AATK: variants seen among roughly 807,000 people sequenced by gnomAD.
The protein encoded by AATK is lemur tail kinase 1, also known as serine/threonine-protein kinase LMTK1.
AATK carries 91 observed loss-of-function variants against 114.3 expected under a neutral mutation model. The ratio of observed to expected loss-of-function variants is 0.80; its 90% CI spans 0.67 to 0.95. The LOEUF (loss-of-function observed/expected upper bound fraction) is 0.95. Among genes scored for constraint, AATK ranks in the 40% least tolerant of loss-of-function variants. AATK has a pLI of 0.00. For missense variants in AATK, 2,176 were observed against 1,965.2 expected (o/e 1.11, Z -2.03); for synonymous variants, 1,075 against 916.5 (o/e 1.17, Z -3.12).
At position 81,119,559 on chromosome 17, in the gene AATK, T is replaced by C; in HGVS notation, c.3905A>G (p.Asp1302Gly). ...AEEGGGFAWD[D>G]DFPLMTAKAA... ...CTTGGCCGTCATCAGCGGGAAGTCG[T>C]CGTCCCACGCGAACCCACCACCTGC... Residue 1302 changes from aspartate to glycine, a missense_variant, in exon 13 of 14, where the codon GAC becomes GGC. This residue lies in a region of AATK where 1,701 missense variants were observed against 1,394.7 expected (regional missense o/e 1.22). Transcript: ENST00000326724. The C allele has an allele frequency of 6.3e-7, 1 of 1,578,836 alleles. No individual in the cohort carries two copies. The highest frequency in any genetic ancestry group is 8.6e-7 in the Non-Finnish European group (1 of 1,165,102).
At position 81,123,292 on chromosome 17, in the gene AATK, A is replaced by G; in HGVS notation, c.1014T>C (p.Tyr338=). 1 of 1,404,304 alleles carries G rather than the reference A, an allele frequency of 7.1e-7. No homozygotes were observed. The highest frequency in any genetic ancestry group is 3.0e-5 in the East Asian group (1 of 33,082). 87.0% of individuals were successfully genotyped at this position (1,404,304 alleles called of 1,614,324 possible). ...GCACCTGCTGGTCCGAGTGCTGGGG[A>G]TAGGGCTGCGTGCCCAGCTCAAAGA... is the stretch of plus-strand genomic sequence containing the variant. ...WELFELGTQP[Y]PQHSDQQVLA... Residue 338 remains tyrosine, a synonymous_variant, in exon 10 of 14, where the codon TAT becomes TAC. Coordinates refer to ENST00000326724, the MANE Select transcript of AATK (RefSeq NM_001080395.3).
chr17:81,156,640 G>A (rs565994637), intron 1 of AATK, among the ~76,000 whole-genome samples: 23 of 152,100 alleles, frequency 1.5e-4, no homozygotes, highest in Middle Eastern at 3.4e-3. Context: ...CTGGTGATCC[G>A]CCTGCCTTGG....
At position 81,122,933 on chromosome 17, in the gene AATK, G is replaced by A; in HGVS notation, c.1113-110C>T. 1.0e-5 allele frequency: 11 copies of A among 1,079,468 alleles called. No homozygotes were observed. The South Asian group carries it at 1.9e-4, about 18-fold the overall frequency. The allele number at this position is 1,079,468 out of a possible 1,614,324, so 66.9% of individuals were successfully genotyped here. A position where few individuals can be genotyped will look rare whatever the true frequency, so the allele number is the denominator to read the frequency against. ...CTCCCAGTGTCTTGGGGGCATTAAG[G>A]GTATCTCCCACTTAATTGACACCCC... On this transcript the variant is annotated intron_variant, in intron 10 of 13. Transcript: ENST00000326724.
intron 1 of AATK, among the ~76,000 whole-genome samples, chr17:81,140,653 G>GGGGACCGT (rs1202467338): frequency 8.1e-5 from 8 of 98,416 alleles, no homozygotes; most frequent in African/African-American, 2.4e-4. Flanking sequence ...CGTGGGGCCG[G>GGGGACCGT]GGGACCGTGG....
rs546857511 is a variant in AATK at position 81,152,138 on chromosome 17, C to T, written c.55+13800G>A. Among the ~76,000 whole-genome samples, 156 of 152,208 alleles carry T rather than the reference C, an allele frequency of 1.0e-3. 3 individuals carry two copies. The South Asian group carries it at 0.031, about 30-fold the overall frequency. ...AAAAATACAAAAAATATTAGCAGGG[C>T]GTGGTGGCACTTGCCTGTAATCCCA... On this transcript the variant is annotated intron_variant, in intron 1 of 13. Coordinates refer to ENST00000326724, the MANE Select transcript of AATK (RefSeq NM_001080395.3).
intron 1 of AATK, among the ~76,000 whole-genome samples, chr17:81,159,788 A>C (rs942156087): frequency 6.6e-6 from 1 of 151,944 alleles, no homozygotes; most frequent in African/African-American, 2.4e-5. Context: ...CTTGGCACAG[A>C]GGTGACTCGG....
intron 1 of AATK, among the ~76,000 whole-genome samples, chr17:81,157,437 G>A (rs1016166313): frequency 6.6e-6 from 1 of 152,238 alleles, no homozygotes; most frequent in Non-Finnish European, 1.5e-5. Context: ...GTGGGCATCC[G>A]GCCCTCCCCC....
chr17:81,124,144 G>A (rs1021327521), intron 9 of AATK, among the ~76,000 whole-genome samples: 6 of 150,334 alleles, frequency 4.0e-5, no homozygotes, highest in Non-Finnish European at 8.9e-5. Flanking sequence ...AGCAGAAGGC[G>A]GCCAGACCAA....
rs1436338962 is a variant in AATK at position 81,117,325 on chromosome 17, A to AAAAC, written c.*1073_*1076dup. The AAAAC allele has an allele frequency of 1.3e-5, 2 of 152,254 alleles. No homozygotes were observed. The highest frequency in any genetic ancestry group is 3.8e-4 in the East Asian group (2 of 5,204). The allele number at this position is 152,254 out of a possible 1,614,324, so 9.4% of individuals were successfully genotyped here. The stretch of plus-strand genomic sequence containing the variant: ...TTTGTCTTAGCTTCATTTCTCTTAA[A>AAAAC]AAACAAGGAACAAGAAAACATTGCA... On this transcript the variant is annotated 3_prime_UTR_variant, in exon 14 of 14. Transcript: ENST00000326724.
rs1409389162 is a variant in AATK at position 81,119,944 on chromosome 17, G to A, written c.3875C>T (p.Ala1292Val). ...QADGSPNGST[A>V]EEGGGFAWDD... is the part of the protein sequence containing the mutation. ...GCCCCGCCCCTGCTCACCCTCTTCC[G>A]CTGTGGAGCCATTTGGGGAGCCATC... The change falls in exon 12 of 14, where the codon GCG becomes GTG. Residue 1292 changes from alanine (A) to valine (V), a missense_variant. By Grantham distance (64) the Ala-to-Val change is moderately conservative. Transcript: ENST00000326724. The A allele has an allele frequency of 3.5e-6, 5 of 1,443,804 alleles. No homozygotes were observed. Among genetic ancestry groups the A allele is most frequent in the Admixed American group, 3.1e-5 (1 of 32,300 alleles). 89.4% of individuals were successfully genotyped at this position (1,443,804 alleles called of 1,614,324 possible). A position where few individuals can be genotyped will look rare whatever the true frequency, so the allele number is the denominator to read the frequency against.
chr17:81,164,368 C>G (rs1414224214), intron 1 of AATK, among the ~76,000 whole-genome samples: 1 of 152,206 alleles, frequency 6.6e-6, no homozygotes, highest in Non-Finnish European at 1.5e-5. Flanking sequence ...TCACCAGCAC[C>G]AGCACCTTGG....
intron 1 of AATK, 39 bp downstream of exon 1, chr17:81,165,899 G>A (rs1366369978): frequency 6.4e-7 from 1 of 1,560,874 alleles, no homozygotes; most frequent in South Asian, 1.2e-5. Context: ...CGCAGCGGAG[G>A]GAGGCAGCGG....
chr17:81,145,234 C>CAAAAAAAAAAAAAAAAAAAAAA (rs761538299), intron 1 of AATK, among the ~76,000 whole-genome samples: 1 of 121,158 alleles, frequency 8.3e-6, no homozygotes, highest in Non-Finnish European at 1.8e-5. Flanking sequence ...GAGACTCCAT[C>CAAAAAAAAAAAAAAAAAAAAAA]AAAAAAAAAA....
chr17:81,163,261 G>A (rs1598234774), intron 1 of AATK, among the ~76,000 whole-genome samples: 3 of 152,148 alleles, frequency 2.0e-5, no homozygotes, highest in Admixed American at 6.5e-5. Flanking sequence ...CCCTGAGGCC[G>A]CACCAGGGAA....
chr17:81,132,511 G>A (rs911785889), intron 2 of AATK: 7 of 171,310 alleles, frequency 4.1e-5, no homozygotes, highest in African/African-American at 1.4e-4. Context: ...TCCCCTCCCC[G>A]GGACCCAGAA....
intron 1 of AATK, among the ~76,000 whole-genome samples, chr17:81,163,206 G>A (rs1184079139): frequency 6.6e-6 from 1 of 152,118 alleles, no homozygotes; most frequent in East Asian, 1.9e-4. Flanking sequence ...TCCAGCCTAG[G>A]ACAGCTCCAG....
At chr17:81,150,135 T>G (rs533661963) in intron 1 of AATK, among the ~76,000 whole-genome samples, 1 of 151,670 alleles carries the variant, frequency 6.6e-6, no homozygotes, top group East Asian at 1.9e-4. Flanking sequence ...CACTGATGGG[T>G]GCGGGGCTTC....
intron 1 of AATK, among the ~76,000 whole-genome samples, chr17:81,144,959 G>A (rs1270431179): frequency 5.3e-5 from 8 of 152,288 alleles, no homozygotes; most frequent in Admixed American, 3.3e-4. Flanking sequence ...CAGGCCGGGC[G>A]CGGTGGCTCA....
At chr17:81,124,228 C>T (rs1232541744) in intron 9 of AATK, among the ~76,000 whole-genome samples, 3 of 152,076 alleles carry the variant, frequency 2.0e-5, no homozygotes, top group Non-Finnish European at 4.4e-5. Flanking sequence ...CCGGGGCGGA[C>T]CACTCCCCTG....
Sources: allele counts gnomAD v4.1 joint callset (sites outside exome capture counted in the v4.1 genomes callset), GRCh38; gene constraint gnomAD v4.1.1; regional missense constraint gnomAD v4.1.1; transcripts MANE v1.5; gene names NCBI Gene and HGNC (gene_info 2026-07-23, HGNC 2026-07-21).